Variants in MTUS2 observed in about 807,000 individuals in gnomAD.
MTUS2 encodes the protein microtubule-associated tumor suppressor candidate 2.
A neutral mutation model predicts 114.1 loss-of-function variants in MTUS2; 40 were observed. The ratio of observed to expected loss-of-function variants is 0.35; its 90% CI spans 0.27 to 0.46. The LOEUF (loss-of-function observed/expected upper bound fraction) is 0.46. Among genes scored for constraint, MTUS2 ranks in the 20% least tolerant of loss-of-function variants. The pLI is 1.00. For synonymous variants in MTUS2, 688 were observed against 672.0 expected, an observed-to-expected ratio of 1.02 and a Z score of -0.37; for missense variants, 1,679 against 1,705.4, an observed-to-expected ratio of 0.98 and a Z score of 0.27.
At chr13:28,860,549 G>A (rs1323781459) in intron 2 of MTUS2, among the ~76,000 whole-genome samples, 1 of 152,196 alleles carries the variant, frequency 6.6e-6, no homozygotes, top group African/African-American at 2.4e-5. Flanking sequence ...GGCAGTGGCG[G>A]CAGTGGAGTG....
At chr13:29,296,254 C>G (rs540630185) in intron 6 of MTUS2, among the ~76,000 whole-genome samples, 1 of 151,984 alleles carries the variant, frequency 6.6e-6, no homozygotes, top group East Asian at 1.9e-4. Flanking sequence ...ACTCTGTCAC[C>G]CAGGCTGGAG....
chr13:29,360,200 A>G (rs562103702), intron 8 of MTUS2, among the ~76,000 whole-genome samples: 1 of 152,328 alleles, frequency 6.6e-6, no homozygotes, highest in South Asian at 2.1e-4. Context: ...AAGCATAAAC[A>G]TAAGTGCACA....
At chr13:29,338,163 G>A (rs1449777804) in intron 7 of MTUS2, among the ~76,000 whole-genome samples, 1 of 151,998 alleles carries the variant, frequency 6.6e-6, no homozygotes, top group African/African-American at 2.4e-5. Context: ...ATGATACACA[G>A]TTTTCCCCGA....
Position 28,948,829 on chromosome 13 carries a change from A to G in MTUS2, c.-242-75628A>G, listed in dbSNP as rs1449264389. On this transcript the variant is annotated intron_variant, in intron 2 of 15. Transcript: ENST00000612955. Reference sequence around the variant, plus strand: ...GCTGTATACACTATAACAGGTGTCCACTCCCCCGGTCTTATAAACTCAGTT... The same window carrying G: ...GCTGTATACACTATAACAGGTGTCCGCTCCCCCGGTCTTATAAACTCAGTT... Among the ~76,000 whole-genome samples, 5 of 151,700 alleles carry G rather than the reference A, an allele frequency of 3.3e-5. No homozygotes were observed. The East Asian group carries it at 9.7e-4, about 29-fold the overall frequency.
chr13:28,885,638 T>C (rs917417213), intron 2 of MTUS2, among the ~76,000 whole-genome samples: 6 of 152,230 alleles, frequency 3.9e-5, no homozygotes, highest in African/African-American at 1.2e-4. Flanking sequence ...TGGATGGCCA[T>C]GGTTTATAAG....
At chr13:29,061,325 A>G (rs145437428) in intron 4 of MTUS2, among the ~76,000 whole-genome samples, 7 of 152,270 alleles carry the variant, frequency 4.6e-5, no homozygotes, top group African/African-American at 1.4e-4. Flanking sequence ...GTACCTGTGT[A>G]TTCAACAAGA....
chr13:29,408,936 C>T (rs954525797), intron 8 of MTUS2, among the ~76,000 whole-genome samples: 1 of 152,178 alleles, frequency 6.6e-6, no homozygotes, highest in Admixed American at 6.5e-5. Context: ...ACTCTTCTTT[C>T]TCCAACAATG....
rs1413680528 is a variant in MTUS2, at chr13:28,917,674, G to T, written c.-243+77824G>T. ...TTTATTTATTCTTTCAAAAAACCAA[G>T]ATTTTATTTCGTTGTTCTTTTGTAT... On this transcript the variant is annotated intron_variant, in intron 2 of 15. Transcript: ENST00000612955. Among the ~76,000 whole-genome samples, 8 of 151,302 alleles carry T rather than the reference G, an allele frequency of 5.3e-5. No individual in the cohort carries two copies. The East Asian group carries it at 1.4e-3, about 26-fold the overall frequency.
chr13:28,928,789 C>T (rs937109348), intron 2 of MTUS2, among the ~76,000 whole-genome samples: 23 of 152,118 alleles, frequency 1.5e-4, no homozygotes, highest in African/African-American at 4.8e-4. Context: ...CCCATGTTTA[C>T]GGCAGCATTA....
chr13:29,382,249 TTATC>T (rs1872268705), intron 8 of MTUS2, among the ~76,000 whole-genome samples: 1 of 152,128 alleles, frequency 6.6e-6, no homozygotes, highest in Non-Finnish European at 1.5e-5. Flanking sequence ...ACCCTGGCCC[TTATC>T]TAAGAGCAAA....
chr13:29,004,445 A>G (rs1038614931), intron 2 of MTUS2, among the ~76,000 whole-genome samples: 2 of 152,206 alleles, frequency 1.3e-5, no homozygotes, highest in African/African-American at 4.8e-5. Flanking sequence ...TATATAGTAG[A>G]CAAACCTTTT....
intron 2 of MTUS2, among the ~76,000 whole-genome samples, chr13:28,847,931 G>A (rs1284840992): frequency 2.0e-5 from 3 of 152,192 alleles, no homozygotes; most frequent in African/African-American, 7.2e-5. Flanking sequence ...TGTCACAGGT[G>A]GGCTTTTACC....
chr13:29,062,048 G>A (rs922105459), intron 4 of MTUS2, among the ~76,000 whole-genome samples: 8 of 152,216 alleles, frequency 5.3e-5, no homozygotes, highest in East Asian at 3.9e-4. Flanking sequence ...GCAATGATAC[G>A]ATCTTGGCTC....
At chr13:29,128,260 G>A (rs575343296) in intron 5 of MTUS2, among the ~76,000 whole-genome samples, 6 of 152,238 alleles carry the variant, frequency 3.9e-5, no homozygotes, top group Non-Finnish European at 7.4e-5. Flanking sequence ...GACATGCAGC[G>A]GGACCAGAAA....
Position 28,829,538 on chromosome 13 carries a change from A to C in MTUS2, c.-316+8927A>C, listed in dbSNP as rs189726739. 3.4e-4 allele frequency among the ~76,000 whole-genome samples: 52 copies of C among 152,274 alleles called. No homozygotes were observed. The East Asian group carries it at 3.7e-3, about 11-fold the overall frequency. ...CAGAGTAGGACTCCGTCTAAAAAAAAAAACAAACAATAACTAATAGCCTAG... is the reference window on the plus strand; with the variant it reads ...CAGAGTAGGACTCCGTCTAAAAAAACAAACAAACAATAACTAATAGCCTAG... On this transcript the variant is annotated intron_variant, in intron 1 of 15. Transcript: ENST00000612955.
chr13:29,340,701 T>C (rs1283883189), intron 7 of MTUS2, among the ~76,000 whole-genome samples: 2 of 152,230 alleles, frequency 1.3e-5, no homozygotes, highest in East Asian at 3.8e-4. Context: ...TTTGGTTATA[T>C]GTATAAGTTC....
intron 9 of MTUS2, among the ~76,000 whole-genome samples, chr13:29,466,052 C>T (rs1879861811): frequency 6.6e-6 from 1 of 152,234 alleles, no homozygotes. Context: ...CATCCAGCAT[C>T]TGAAGGTTGG....
chr13:29,129,602 C>T (rs1003963190), intron 5 of MTUS2, among the ~76,000 whole-genome samples: 3 of 151,374 alleles, frequency 2.0e-5, no homozygotes, highest in South Asian at 2.1e-4. Context: ...TTATGGGGTA[C>T]GTGTGATGTT....
At chr13:29,188,102 G>A (rs999876311) in intron 5 of MTUS2, among the ~76,000 whole-genome samples, 1 of 152,140 alleles carries the variant, frequency 6.6e-6, no homozygotes, top group African/African-American at 2.4e-5. Context: ...AGGGCTGTTA[G>A]GGATCAGGAA....
Sources: allele counts gnomAD v4.1 joint callset (sites outside exome capture counted in the v4.1 genomes callset), GRCh38; gene constraint gnomAD v4.1.1; transcripts MANE v1.5; gene names NCBI Gene and HGNC (gene_info 2026-07-23, HGNC 2026-07-21).